The following PKHD1 variants were observed in gnomAD, a reference collection of about 807,000 sequenced individuals.
PKHD1 encodes fibrocystin.
Under a neutral mutation model 412.0 loss-of-function variants are expected in PKHD1, and 291 were observed. The observed-to-expected ratio is 0.71, with a 90% confidence interval of 0.64 to 0.78. The LOEUF (loss-of-function observed/expected upper bound fraction) is 0.78, where lower values mean the gene tolerates loss of function less well. Among genes scored for constraint, PKHD1 ranks in the 30% least tolerant of loss-of-function variants. The probability of loss-of-function intolerance (pLI) is 0.00; values close to 1 mark genes in which losing one functional copy is unlikely to be tolerated. For missense variants in PKHD1, 4,825 were observed against 4,950.7 expected, an observed-to-expected ratio of 0.97 and a Z score of 0.76; for synonymous variants, 1,777 against 1,821.5, an observed-to-expected ratio of 0.98 and a Z score of 0.62.
intron 37 of PKHD1, among the ~76,000 whole-genome samples, chr6:51,928,593 C>T (rs1428872337): frequency 6.6e-6 from 1 of 151,932 alleles, no homozygotes; most frequent in Non-Finnish European, 1.5e-5. Context: ...CCCTGGGCAC[C>T]ATGTATAGTC....
At chr6:51,770,100 GTTC>G (rs1377542840) in intron 55 of PKHD1, among the ~76,000 whole-genome samples, 1 of 151,518 alleles carries the variant, frequency 6.6e-6, no homozygotes. Context: ...TATTATTCAT[GTTC>G]TTCTTGTTTT....
Position 52,081,432 on chromosome 6 carries a change from T to C in PKHD1, c.281+960A>G, listed in dbSNP as rs1024013010. 2.0e-5 allele frequency among the ~76,000 whole-genome samples: 3 copies of C among 152,220 alleles called. No homozygotes were observed. The East Asian group carries it at 5.8e-4, about 29-fold the overall frequency. The stretch of plus-strand genomic sequence containing the variant: ...CAATGGTGAAATTAAACACATCCCC[T>C]GCCCTCAAAGCACTTAATTCTGTGA... On this transcript the variant is annotated intron_variant, in intron 4 of 66. Coordinates refer to ENST00000371117, the MANE Select transcript of PKHD1 (RefSeq NM_138694.4).
chr6:52,034,092 C>A (rs2128165564), intron 28 of PKHD1, among the ~76,000 whole-genome samples: 1 of 151,526 alleles, frequency 6.6e-6, no homozygotes. Flanking sequence ...TTGTACCACT[C>A]CAGCCTGGGC....
At chr6:52,037,170 A>G (rs1176148736) in intron 27 of PKHD1, among the ~76,000 whole-genome samples, 1 of 152,106 alleles carries the variant, frequency 6.6e-6, no homozygotes, top group Non-Finnish European at 1.5e-5. Context: ...ATAAGTAAAT[A>G]TCACTGAAAA....
At chr6:51,890,629 A>T (rs1332064450) in intron 43 of PKHD1, among the ~76,000 whole-genome samples, 1 of 152,088 alleles carries the variant, frequency 6.6e-6, no homozygotes, top group Non-Finnish European at 1.5e-5. Context: ...CTTGCAGGCC[A>T]GATTTAACTA....
At chr6:51,637,288 AG>A in intron 64 of PKHD1, among the ~76,000 whole-genome samples, 1 of 152,344 alleles carries the variant, frequency 6.6e-6, no homozygotes, top group Middle Eastern at 3.4e-3. Flanking sequence ...TCAAGCTTAC[AG>A]CACAATCCCT....
intron 60 of PKHD1, among the ~76,000 whole-genome samples, chr6:51,685,046 T>G (rs973098604): frequency 6.6e-6 from 1 of 152,162 alleles, no homozygotes; most frequent in Non-Finnish European, 1.5e-5. Context: ...AATTTAAGGC[T>G]GATTTTCCCT....
In PKHD1 at chr6:51,894,299, C is replaced by T. The variant is rs76974541; in HGVS notation, c.6997-7054G>A. On this transcript the variant is annotated intron_variant, in intron 43 of 66. Coordinates refer to ENST00000371117, the MANE Select transcript of PKHD1 (RefSeq NM_138694.4). Reference sequence around the variant, plus strand: ...GAAATGTACCAGGGAATGCCACAGGCCCCTGGAGACTCAAGCACTTATCAC... The same window carrying T: ...GAAATGTACCAGGGAATGCCACAGGTCCCTGGAGACTCAAGCACTTATCAC... 8.2e-3 allele frequency among the ~76,000 whole-genome samples: 1,250 copies of T among 152,280 alleles called. 13 individuals carry two copies. The highest frequency in any genetic ancestry group is 0.027 in the Middle Eastern group (8 of 294).
chr6:51,775,798 A>G lies in PKHD1; in HGVS notation c.8554+10T>C, dbSNP rs756890131. ...TTTTATTTTTAATAAAAACTATATT[A>G]TACTCTTACCAATTGTTCCTGGGTC... is the stretch of plus-strand genomic sequence containing the variant. On this transcript the variant is annotated intron_variant, in intron 54 of 66. Transcript: ENST00000371117. 1.2e-5 allele frequency: 15 copies of G among 1,220,382 alleles called. No homozygotes were observed. The highest frequency in any genetic ancestry group is 3.6e-5 in the South Asian group (3 of 83,298). 75.6% of individuals were successfully genotyped at this position (1,220,382 alleles called of 1,614,324 possible).
At chr6:51,918,212 ATTTATT>A (rs1376401010) in intron 37 of PKHD1, among the ~76,000 whole-genome samples, 5 of 152,070 alleles carry the variant, frequency 3.3e-5, no homozygotes, top group Admixed American at 2.0e-4. Context: ...ATTTTTATAT[ATTTATT>A]TTTAAGTTCT....
chr6:51,866,690 T>C (rs528770976), intron 48 of PKHD1, among the ~76,000 whole-genome samples: 1 of 152,236 alleles, frequency 6.6e-6, no homozygotes, highest in East Asian at 1.9e-4. Flanking sequence ...TTTTCCTCAT[T>C]TGATAAAATG....
intron 52 of PKHD1, among the ~76,000 whole-genome samples, chr6:51,805,083 G>T (rs1005749876): frequency 1.3e-5 from 2 of 152,136 alleles, no homozygotes; most frequent in African/African-American, 2.4e-5. Flanking sequence ...GCACTTGTAG[G>T]TTTATCACAG....
chr6:51,856,932 C>T (rs1191409160), intron 48 of PKHD1, among the ~76,000 whole-genome samples: 1 of 152,170 alleles, frequency 6.6e-6, no homozygotes, highest in African/African-American at 2.4e-5. Context: ...CAGCCAGTGA[C>T]ATTTTCTAAT....
In PKHD1 at chr6:51,850,777, C is replaced by G. The variant is rs117829200; in HGVS notation, c.7912-2807G>C. ...AGACTTTGAAGCTGAAGTTGCTTAT[C>G]AGTTCAAGAAATTTTTTGACTGAGA... is the stretch of plus-strand genomic sequence containing the variant. On this transcript the variant is annotated intron_variant, in intron 49 of 66. Coordinates refer to ENST00000371117, the MANE Select transcript of PKHD1 (RefSeq NM_138694.4). 2.0e-5 allele frequency among the ~76,000 whole-genome samples: 3 copies of G among 152,280 alleles called. No homozygotes were observed. The East Asian group carries it at 5.8e-4, about 29-fold the overall frequency.
intron 21 of PKHD1, among the ~76,000 whole-genome samples, chr6:52,050,556 T>A (rs1330155539): frequency 2.6e-5 from 4 of 152,210 alleles, no homozygotes; most frequent in African/African-American, 9.7e-5. Context: ...ACCCCACAGC[T>A]AGTAAAATGT....
chr6:51,931,793 T>C (rs1786635096), intron 37 of PKHD1, among the ~76,000 whole-genome samples: 1 of 148,496 alleles, frequency 6.7e-6, no homozygotes, highest in Admixed American at 6.8e-5. Flanking sequence ...GTTTTGAAAA[T>C]GGCCTAATCT....
chr6:51,827,542 A>G (rs1048847291), intron 52 of PKHD1, among the ~76,000 whole-genome samples: 3 of 152,058 alleles, frequency 2.0e-5, no homozygotes, highest in Non-Finnish European at 4.4e-5. Context: ...AGGATCCCCA[A>G]TATACCCTTG....
chr6:51,808,884 T>C (rs1280317842), intron 52 of PKHD1, among the ~76,000 whole-genome samples: 1 of 152,092 alleles, frequency 6.6e-6, no homozygotes, highest in Non-Finnish European at 1.5e-5. Flanking sequence ...CAAACTCCAT[T>C]ACCTTGCATA....
chr6:51,967,803 G>A (rs1433692609), intron 35 of PKHD1, among the ~76,000 whole-genome samples: 2 of 152,162 alleles, frequency 1.3e-5, no homozygotes, highest in African/African-American at 2.4e-5. Context: ...TTTAACCAGC[G>A]AGCATGGAGC....
Sources: allele counts gnomAD v4.1 joint callset (sites outside exome capture counted in the v4.1 genomes callset), GRCh38; gene constraint gnomAD v4.1.1; transcripts MANE v1.5; gene names NCBI Gene and HGNC (gene_info 2026-07-23, HGNC 2026-07-21).